ORC3: variants seen among roughly 807,000 people sequenced by gnomAD.
The protein encoded by ORC3 is homolog of latheo, Drosophila.
Under a neutral mutation model 100.7 loss-of-function variants are expected in ORC3, and 78 were observed. The observed-to-expected ratio is 0.77, with a 90% CI of 0.65 to 0.94. The LOEUF is 0.94. Among genes scored for constraint, ORC3 ranks in the 40% least tolerant of loss-of-function variants. The pLI is 0.00. For missense variants in ORC3, 789 were observed against 823.9 expected (o/e 0.96, Z 0.52); for synonymous variants, 295 against 289.3 (o/e 1.02, Z -0.20).
At chr6:87,635,462 A>T (rs1434478256) in intron 12 of ORC3, among the ~76,000 whole-genome samples, 3 of 152,222 alleles carry the variant, frequency 2.0e-5, no homozygotes, top group African/African-American at 2.4e-5. Flanking sequence ...TTCCTAAATC[A>T]TCTTAGCTCA....
In ORC3 at chr6:87,612,240, C is replaced by G; in HGVS notation, c.865C>G (p.Leu289Val). 1 of 1,599,304 alleles carries G rather than the reference C, an allele frequency of 6.3e-7. No individual in the cohort carries two copies. Among genetic ancestry groups the G allele is most frequent in the Non-Finnish European group, 8.5e-7 (1 of 1,174,772 alleles). The stretch of plus-strand genomic sequence containing the variant: ...TTGTAAGGAGCACCTGACTACGGTA[C>G]TCGATAAGGTAAAAAGAATAAGTTT... ...LSCKEHLTTV[L>V]DKLLLTTQFP... is the part of the protein sequence containing the mutation. Residue 289 changes from leucine (L) to valine (V), a missense_variant, in exon 8 of 20, where the codon CTC (leucine) becomes GTC (valine). Physicochemically the swap from Leu to Val is conservative, Grantham distance 32 (BLOSUM62 1). Transcript: ENST00000392844.
chr6:87,648,073 C>G (rs775094394), intron 13 of ORC3, among the ~76,000 whole-genome samples: 1 of 152,036 alleles, frequency 6.6e-6, no homozygotes, highest in Non-Finnish European at 1.5e-5. Flanking sequence ...TGGTGGCATG[C>G]GCCTGTAGTC....
chr6:87,634,545 G>A (rs1229588235), intron 11 of ORC3, among the ~76,000 whole-genome samples: 4 of 152,216 alleles, frequency 2.6e-5, no homozygotes, highest in Admixed American at 1.3e-4. Context: ...ATCCACTAAG[G>A]TGCTTTCTTG....
intron 16 of ORC3, among the ~76,000 whole-genome samples, chr6:87,659,022 CG>C (rs146544093): frequency 6.1e-4 from 24 of 39,492 alleles, no homozygotes; most frequent in East Asian, 2.4e-3. Flanking sequence ...AAAAGTGGGG[CG>C]GGGGGGGGAG....
chr6:87,612,282 TGAAAA>T, intron 8 of ORC3, 34 bp downstream of exon 8: 1 of 1,506,244 alleles, frequency 6.6e-7, no homozygotes, highest in African/African-American at 1.4e-5. Context: ...TGAAATAGGA[TGAAAA>T]GAAAACTGCC....
intron 16 of ORC3, among the ~76,000 whole-genome samples, chr6:87,659,022 CGGGG>C (rs146544093): frequency 2.5e-5 from 1 of 39,490 alleles, no homozygotes; most frequent in Non-Finnish European, 4.6e-5. Flanking sequence ...AAAAGTGGGG[CGGGG>C]GGGGGAGAAC....
intron 9 of ORC3, among the ~76,000 whole-genome samples, chr6:87,616,920 C>T (rs1387317154): frequency 6.6e-6 from 1 of 152,088 alleles, no homozygotes; most frequent in African/African-American, 2.4e-5. Flanking sequence ...GCCTCAGCCT[C>T]CCATGTAGCT....
Position 87,664,818 on chromosome 6 carries a change from C to G in ORC3, c.1909C>G (p.Leu637Val). ...PDICIAYKLH[L>V]ECSRLINLVD... ...CATCTGCATAGCATACAAACTGCAC[C>G]TAGAGTGTAGCAGGCTCATCAACCT... is the stretch of plus-strand genomic sequence containing the variant. The change falls in exon 18 of 20, where the codon CTA becomes GTA. Residue 637 changes from leucine to valine, a missense_variant. Physicochemically the swap from Leu to Val is conservative, Grantham distance 32. Transcript: ENST00000392844. 1.2e-6 allele frequency: 2 copies of G among 1,613,944 alleles called. No individual in the cohort carries two copies. The highest frequency in any genetic ancestry group is 1.3e-5 in the African/African-American group (1 of 75,052).
At chr6:87,615,625 T>G (rs1323190456) in intron 8 of ORC3, among the ~76,000 whole-genome samples, 1 of 152,114 alleles carries the variant, frequency 6.6e-6, no homozygotes, top group Non-Finnish European at 1.5e-5. Flanking sequence ...AGCCCAGAAG[T>G]TCAAGGCTAC....
chr6:87,639,825 CAAAAAAAAAAAAA>C (rs548788316), intron 13 of ORC3, among the ~76,000 whole-genome samples: 4 of 58,766 alleles, frequency 6.8e-5, no homozygotes, highest in African/African-American at 2.7e-4. Flanking sequence ...GCCAAAAATA[CAAAAAAAAAAAAA>C]AAAAAAAAAA....
Position 87,667,195 on chromosome 6 carries a change from T to C in ORC3, c.*72T>C. On this transcript the variant is annotated 3_prime_UTR_variant, in exon 20 of 20. Transcript: ENST00000392844. Reference sequence around the variant, plus strand: ...AAAGGTGACCAGTCATATTTACATATATTAGAGGAGCCTGTTTTGTTGAGA... The same window carrying C: ...AAAGGTGACCAGTCATATTTACATACATTAGAGGAGCCTGTTTTGTTGAGA... 4.7e-6 allele frequency: 4 copies of C among 851,582 alleles called. No homozygotes were observed. Among genetic ancestry groups the C allele is most frequent in the Non-Finnish European group, 7.5e-6 (4 of 533,028 alleles). The allele number at this position is 851,582 out of a possible 1,614,324, so 52.8% of individuals were successfully genotyped here. A position where few individuals can be genotyped will look rare whatever the true frequency, so the allele number is the denominator to read the frequency against.
At chr6:87,675,444 A>C in the ORC3 span, 1 of 1,041,730 alleles carries the variant, frequency 9.6e-7, no homozygotes, top group Non-Finnish European at 1.4e-6. Flanking sequence ...TTCCAAAACC[A>C]GTTGCTGCTG....
Position 87,650,729 on chromosome 6 carries a change from T to C in ORC3, c.1383-2387T>C, listed in dbSNP as rs1385441418. Among the ~76,000 whole-genome samples, 4 of 152,156 alleles carry C rather than the reference T, an allele frequency of 2.6e-5. No homozygotes were observed. The East Asian group carries it at 7.7e-4, about 29-fold the overall frequency. ...TTGGCTAAGAATAAGAGGACTAGACTGGGTGCAGTGGCTCACGCCTATAAT... is the reference window on the plus strand; with the variant it reads ...TTGGCTAAGAATAAGAGGACTAGACCGGGTGCAGTGGCTCACGCCTATAAT... On this transcript the variant is annotated intron_variant, in intron 13 of 19. Transcript: ENST00000392844.
chr6:87,630,935 A>G (rs1002459374), intron 11 of ORC3, among the ~76,000 whole-genome samples: 6 of 152,004 alleles, frequency 3.9e-5, no homozygotes, highest in African/African-American at 1.2e-4. Flanking sequence ...CAGTGGTGCA[A>G]TCATAGCTTG....
chr6:87,621,815 A>G (rs537537428), intron 10 of ORC3, 135 bp from the exon 11 acceptor site: 4 of 638,250 alleles, frequency 6.3e-6, no homozygotes, highest in East Asian at 5.5e-5. Flanking sequence ...CATAAATGTC[A>G]TACTGAATTT....
chr6:87,675,915 A>G, the ORC3 span: 1,577 of 1,613,362 alleles, frequency 9.8e-4, no homozygotes, highest in Non-Finnish European at 1.2e-3. Flanking sequence ...TAAACTTCAC[A>G]AACGCATCAT....
chr6:87,662,661 T>C (rs1208204480), intron 16 of ORC3, among the ~76,000 whole-genome samples: 1 of 152,180 alleles, frequency 6.6e-6, no homozygotes, highest in East Asian at 1.9e-4. Context: ...TAAGCAGAAA[T>C]GTAGTATATA....
intron 7 of ORC3, among the ~76,000 whole-genome samples, chr6:87,611,603 AT>A (rs1325197889): frequency 6.6e-6 from 1 of 152,064 alleles, no homozygotes; most frequent in Admixed American, 6.5e-5. Flanking sequence ...CCTGACCAAT[AT>A]GGTGAAACCC....
chr6:87,635,097 C>CAT (rs2128278053), intron 12 of ORC3, 136 bp downstream of exon 12: 1 of 732,190 alleles, frequency 1.4e-6, no homozygotes, highest in East Asian at 2.5e-5. Flanking sequence ...TAAATCCATT[C>CAT]CAGCTGTAAA....
Sources: allele counts gnomAD v4.1 joint callset (sites outside exome capture counted in the v4.1 genomes callset), GRCh38; gene constraint gnomAD v4.1.1; transcripts MANE v1.5; gene names NCBI Gene and HGNC (gene_info 2026-07-23, HGNC 2026-07-21).